ADA2: variants seen among roughly 807,000 people sequenced by gnomAD.
ADA2 encodes adenosine deaminase CECR1.
In ADA2, 29 loss-of-function variants were observed where a neutral mutation model predicts 44.2. That is an observed-to-expected ratio of 0.66 (90% CI 0.49 to 0.89). The LOEUF (loss-of-function observed/expected upper bound fraction) is 0.89. Among genes scored for constraint, ADA2 ranks in the 40% least tolerant of loss-of-function variants. ADA2 has a pLI of 0.00. For missense variants in ADA2, 637 were observed against 644.8 expected (o/e 0.99, Z 0.13); for synonymous variants, 215 against 234.9 (o/e 0.92, Z 0.77).
intron 4 of ADA2, among the ~76,000 whole-genome samples, chr22:17,202,802 G>C (rs1235892351): frequency 8.9e-6 from 1 of 112,724 alleles, no homozygotes; most frequent in Non-Finnish European, 1.8e-5. Flanking sequence ...TGTGTTTTTT[G>C]AGACAACATC....
intron 2 of ADA2, among the ~76,000 whole-genome samples, chr22:17,208,436 AAAAAAAAAG>A (rs2062378989): frequency 9.7e-6 from 1 of 103,092 alleles, no homozygotes; most frequent in African/African-American, 3.3e-5. Context: ...AAAAAAAAAG[AAAAAAAAAG>A]AAAAAAAAAA....
At chr22:17,220,492 G>C (rs969794497), upstream of ADA2, among the ~76,000 whole-genome samples, 39 of 152,262 alleles carry the variant, frequency 2.6e-4, no homozygotes, top group African/African-American at 8.7e-4. Flanking sequence ...CAGAATTAAA[G>C]GAAAAACACA....
At chr22:17,202,006 C>T (rs1410217860) in intron 4 of ADA2, among the ~76,000 whole-genome samples, 2 of 127,048 alleles carry the variant, frequency 1.6e-5, no homozygotes, top group Non-Finnish European at 3.1e-5. Context: ...GAGTCTCGCT[C>T]TGTCATCCAG....
chr22:17,199,917 A>C (rs2062254600), intron 4 of ADA2: 1 of 376,620 alleles, frequency 2.7e-6, no homozygotes. Context: ...CCATCTCGCC[A>C]GGCGCGGTGG....
intron 1 of ADA2, among the ~76,000 whole-genome samples, chr22:17,210,927 C>G (rs946546158): frequency 6.6e-6 from 1 of 152,138 alleles, no homozygotes; most frequent in Non-Finnish European, 1.5e-5. Flanking sequence ...GCCTGTGGTC[C>G]CAGCTATTCA....
chr22:17,215,591 G>A (rs2062462221), intron 1 of ADA2, among the ~76,000 whole-genome samples: 1 of 147,606 alleles, frequency 6.8e-6, no homozygotes. Flanking sequence ...GGGCGACAGA[G>A]CAAGACTCCG....
chr22:17,208,048 CTT>C (rs1475823249), intron 2 of ADA2, among the ~76,000 whole-genome samples: 2 of 152,114 alleles, frequency 1.3e-5, no homozygotes, highest in Non-Finnish European at 2.9e-5. Flanking sequence ...CAGACACCCT[CTT>C]ATGCCTCCCA....
Position 17,207,187 on chromosome 22 carries a change from C to T in ADA2, c.426G>A (p.Gly142=), listed in dbSNP as rs143138564. The change falls in exon 3 of 10, where the codon GGG becomes GGA. Residue 142 remains glycine (G), a synonymous_variant. Coordinates refer to ENST00000399837, the MANE Select transcript of ADA2 (RefSeq NM_001282225.2). ...GGTGAGCAAATCTGAACTGCATGAT[C>T]CCCCTTGGGGTGAAACAGATGTGGC... is the stretch of plus-strand genomic sequence containing the variant. The part of the protein sequence containing the change: ...PHCHICFTPR[G]IMQFRFAHPT... 1.9e-6 allele frequency: 3 copies of T among 1,614,078 alleles called. No homozygotes were observed. The highest frequency in any genetic ancestry group is 2.7e-5 in the African/African-American group (2 of 74,942).
chr22:17,182,029 A>G lies in ADA2; in HGVS notation c.1240-7T>C. 1 of 1,608,762 alleles carries G rather than the reference A, an allele frequency of 6.2e-7. No homozygotes were observed. The highest frequency in any genetic ancestry group is 1.1e-5 in the South Asian group (1 of 90,758). On this transcript the variant is annotated splice_polypyrimidine_tract_variant and splice_region_variant and intron_variant, in intron 8 of 9. Transcript: ENST00000399837. ...CAGACACCAGTTTCAGCACCTGCGC[A>G]ATAGGAGGGAAGGGAGAAAGATGAA...
intron 4 of ADA2, among the ~76,000 whole-genome samples, chr22:17,197,961 C>A (rs2062214274): frequency 6.6e-6 from 1 of 151,940 alleles, no homozygotes; most frequent in Non-Finnish European, 1.5e-5. Context: ...TCGCTTGAAC[C>A]CGGGAGGCGG....
intron 4 of ADA2, among the ~76,000 whole-genome samples, chr22:17,202,655 G>A (rs957130996): frequency 3.6e-4 from 55 of 152,196 alleles, no homozygotes; most frequent in African/African-American, 1.3e-3. Flanking sequence ...GGCCCCTGTG[G>A]TTCCCTCCAG....
chr22:17,210,487 G>C (rs2062407621), intron 1 of ADA2, among the ~76,000 whole-genome samples: 1 of 152,122 alleles, frequency 6.6e-6, no homozygotes, highest in Non-Finnish European at 1.5e-5. Context: ...ACCGCGCCCG[G>C]CAGGTTTTCC....
At chr22:17,198,408 G>A (rs965161888) in intron 4 of ADA2, among the ~76,000 whole-genome samples, 23 of 152,290 alleles carry the variant, frequency 1.5e-4, no homozygotes, top group Non-Finnish European at 1.8e-4. Flanking sequence ...AGCATAGTCG[G>A]ATGAGTCCTG....
At chr22:17,195,088 G>A (rs1324576790) in intron 4 of ADA2, among the ~76,000 whole-genome samples, 1 of 152,018 alleles carries the variant, frequency 6.6e-6, no homozygotes, top group African/African-American at 2.4e-5. Context: ...GTCCCTAGAA[G>A]CCCAAACCCC....
At position 17,182,585 on chromosome 22, in the gene ADA2, C is replaced by G; in HGVS notation, c.1239+19G>C. The G allele has an allele frequency of 6.2e-7, 1 of 1,613,626 alleles. No homozygotes were observed. The highest frequency in any genetic ancestry group is 8.5e-7 in the Non-Finnish European group (1 of 1,179,650). On this transcript the variant is annotated intron_variant, in intron 8 of 9. Transcript: ENST00000399837. ...GTTAGGGGAGATCATATGGGATTAG[C>G]CACATGGGTCACACATACCTGGTTA...
rs9619008 is a variant in ADA2, at chr22:17,196,601, C to T, written c.754-4791G>A. On this transcript the variant is annotated intron_variant, in intron 4 of 9. Coordinates refer to ENST00000399837, the MANE Select transcript of ADA2 (RefSeq NM_001282225.2). ...CTGTCATTACTGAGTCTCCTGCCCA[C>T]ACCCCCCAGCTAGATTGGAGGCTCC... Among the ~76,000 whole-genome samples, 1,279 of 152,204 alleles carry T rather than the reference C, an allele frequency of 8.4e-3. 15 individuals carry two copies. Among genetic ancestry groups the T allele is most frequent in the African/African-American group, 0.029 (1,211 of 41,522 alleles).
At chr22:17,189,213 C>T (rs754105639) in intron 6 of ADA2, among the ~76,000 whole-genome samples, 5 of 151,910 alleles carry the variant, frequency 3.3e-5, no homozygotes, top group Non-Finnish European at 7.4e-5. Flanking sequence ...GATGCGGTTT[C>T]TCCATGTTGG....
chr22:17,187,098 C>T (rs1049999438), intron 7 of ADA2, among the ~76,000 whole-genome samples: 5 of 146,416 alleles, frequency 3.4e-5, no homozygotes, highest in South Asian at 2.1e-4. Context: ...CCCAGGAAGC[C>T]GAGCTTGCAA....
At chr22:17,193,358 CAAAAAAAAAAA>C (rs71200244) in intron 4 of ADA2, 17 of 66,380 alleles carry the variant, frequency 2.6e-4, no homozygotes, top group African/African-American at 1.0e-3. Context: ...GTAAAAACTG[CAAAAAAAAAAA>C]AAAAAAAAAA....
Sources: allele counts gnomAD v4.1 joint callset (sites outside exome capture counted in the v4.1 genomes callset), GRCh38; gene constraint gnomAD v4.1.1; transcripts MANE v1.5; gene names NCBI Gene and HGNC (gene_info 2026-07-23, HGNC 2026-07-21).